APC: variants seen among roughly 807,000 people sequenced by gnomAD.
APC encodes APC regulator of Wnt signaling pathway, also known as adenomatous polyposis coli protein.
In APC, 72 loss-of-function variants were observed where a neutral mutation model predicts 247.0. The observed-to-expected ratio is 0.29, with a 90% CI of 0.24 to 0.35. The LOEUF is 0.35. Among genes scored for constraint, APC ranks in the 10% least tolerant of loss-of-function variants. The pLI is 1.00. For synonymous variants in APC, 1,254 were observed against 1,162.5 expected (o/e 1.08, Z -1.60); for missense variants, 3,400 against 3,360.7 (o/e 1.01, Z -0.29).
chr5:112,794,714 C>G (rs138697007), intron 7 of APC, among the ~76,000 whole-genome samples: 1 of 152,190 alleles, frequency 6.6e-6, no homozygotes, highest in African/African-American at 2.4e-5. Context: ...CAAGACTGCT[C>G]CCACCTCAGA....
intron 8 of APC, among the ~76,000 whole-genome samples, chr5:112,801,992 A>AT (rs1760882677): frequency 6.6e-6 from 1 of 151,874 alleles, no homozygotes; most frequent in South Asian, 2.1e-4. Flanking sequence ...ATCTTATTAG[A>AT]TTTTTATTGA....
chr5:112,762,107 A>G (rs1451171798), intron 2 of APC, among the ~76,000 whole-genome samples: 1 of 152,220 alleles, frequency 6.6e-6, no homozygotes, highest in East Asian at 1.9e-4. Flanking sequence ...AAGACAATTC[A>G]AAAAGAAAGA....
intron 4 of APC, among the ~76,000 whole-genome samples, chr5:112,770,684 C>A (rs1479881882): frequency 3.3e-5 from 5 of 152,048 alleles, no homozygotes; most frequent in African/African-American, 1.2e-4. Flanking sequence ...TCTCATTTCC[C>A]ATGAGATAGT....
intron 15 of APC, among the ~76,000 whole-genome samples, chr5:112,836,192 G>A (rs578042074): frequency 8.7e-5 from 5 of 57,486 alleles, no homozygotes; most frequent in East Asian, 7.6e-4. Flanking sequence ...CACCGTGCCC[G>A]GCTAATTTTT....
chr5:112,717,499 T>C (rs1425460687), intron 1 of APC, among the ~76,000 whole-genome samples: 1 of 152,224 alleles, frequency 6.6e-6, no homozygotes, highest in Non-Finnish European at 1.5e-5. Flanking sequence ...GAATGTCCTT[T>C]AGTCTGCTTG....
intron 1 of APC, among the ~76,000 whole-genome samples, chr5:112,752,064 C>T (rs957293181): frequency 2.0e-5 from 3 of 151,720 alleles, no homozygotes; most frequent in Admixed American, 1.3e-4. Flanking sequence ...TATTTTTCAT[C>T]TCTTTTGGGA....
intron 8 of APC, among the ~76,000 whole-genome samples, chr5:112,809,480 A>G (rs1761758985): frequency 6.6e-6 from 1 of 152,200 alleles, no homozygotes; most frequent in Admixed American, 6.5e-5. Context: ...TACAGTGAGA[A>G]GATGAATACC....
At chr5:112,717,774 G>A (rs1001227261) in intron 1 of APC, among the ~76,000 whole-genome samples, 9 of 151,812 alleles carry the variant, frequency 5.9e-5, no homozygotes, top group African/African-American at 1.9e-4. Context: ...TATCAGTCCT[G>A]GAAGTTTCTT....
intron 1 of APC, among the ~76,000 whole-genome samples, chr5:112,746,243 AT>A (rs1251630258): frequency 1.3e-5 from 2 of 152,144 alleles, no homozygotes; most frequent in Non-Finnish European, 2.9e-5. Context: ...CTTTAAAAAA[AT>A]CTTAGCTCTA....
At chr5:112,830,658 A>G (rs1012307147) in intron 14 of APC, among the ~76,000 whole-genome samples, 3 of 152,250 alleles carry the variant, frequency 2.0e-5, no homozygotes, top group Non-Finnish European at 4.4e-5. Context: ...CAGCAGGTGA[A>G]TGGTAAGCAA....
At chr5:112,812,140 T>C (rs920577802) in intron 8 of APC, among the ~76,000 whole-genome samples, 1 of 152,164 alleles carries the variant, frequency 6.6e-6, no homozygotes, top group Non-Finnish European at 1.5e-5. Context: ...TCATCACCTC[T>C]ATAGCATTTT....
intron 1 of APC, among the ~76,000 whole-genome samples, chr5:112,738,675 G>A (rs967806015): frequency 6.6e-6 from 1 of 152,218 alleles, no homozygotes; most frequent in African/African-American, 2.4e-5. Context: ...GACAACTGCA[G>A]AGGAATAAGA....
chr5:112,772,788 A>T (rs1757203965), intron 4 of APC, among the ~76,000 whole-genome samples: 1 of 152,158 alleles, frequency 6.6e-6, no homozygotes. Context: ...AAGTACTGGG[A>T]TTACAGGCGT....
At chr5:112,820,181 T>A (rs1762974242) in intron 10 of APC, among the ~76,000 whole-genome samples, 1 of 132,746 alleles carries the variant, frequency 7.5e-6, no homozygotes, top group African/African-American at 3.6e-5. Context: ...TGATAAGAAC[T>A]GACACACACA....
chr5:112,754,791 G>A (rs1278140100), intron 1 of APC, 82 bp from the exon 2 acceptor site: 17 of 1,348,642 alleles, frequency 1.3e-5, no homozygotes, highest in Admixed American at 7.5e-5. Flanking sequence ...TAAGAGTTTT[G>A]TTTCCTTTAC....
chr5:112,843,944 T>C lies in APC; in HGVS notation c.8350T>C (p.Phe2784Leu). 6.2e-7 allele frequency: 1 copy of C among 1,610,186 alleles called. No individual in the cohort carries two copies. Among genetic ancestry groups the C allele is most frequent in the Non-Finnish European group, 8.5e-7 (1 of 1,177,684 alleles). Residue 2784 changes from phenylalanine to leucine, a missense_variant, in exon 16 of 16, where the codon TTT (phenylalanine) becomes CTT (leucine). Around this residue, in one of 9 missense-constraint regions of APC, gnomAD observed 1,788 missense variants for 1,649.5 expected, o/e 1.08. Coordinates refer to ENST00000257430, the MANE Select transcript of APC (RefSeq NM_000038.6). The surrounding 1 kb of genome is among the most constrained non-coding windows in gnomAD (Gnocchi z 4.8). ...GACTGTTGCTGCCAGAGTGACTCCT[T>C]TTAATTACAACCCAAGCCCTAGGAA... ...SGTVAARVTP[F>L]NYNPSPRKSS... is the part of the protein sequence containing the mutation.
Position 112,839,960 on chromosome 5 carries a change from A to G in APC, c.4366A>G (p.Lys1456Glu), listed in dbSNP as rs1765664085. The change falls in exon 16 of 16, where the codon AAA becomes GAA. Residue 1456 changes from lysine to glutamate, a missense_variant. Lys to Glu is a moderately conservative substitution (Grantham distance 56). Around this residue, in one of 9 missense-constraint regions of APC, gnomAD observed 1,788 missense variants for 1,649.5 expected, o/e 1.08. Transcript: ENST00000257430. This position sits in a 1 kb window ranked among gnomAD's most constrained non-coding sequence, Gnocchi z 5.0. ...AACCAAGCGAGAAGTACCTAAAAAT[A>G]AAGCACCTACTGCTGAAAAGAGAGA... ...AQTKREVPKN[K>E]APTAEKRESG... 1.2e-6 allele frequency: 2 copies of G among 1,614,154 alleles called. No homozygotes were observed. Among genetic ancestry groups the G allele is most frequent in the East Asian group, 4.5e-5 (2 of 44,860 alleles).
intron 1 of APC, among the ~76,000 whole-genome samples, chr5:112,744,552 C>T (rs537199799): frequency 6.6e-6 from 1 of 152,240 alleles, no homozygotes; most frequent in South Asian, 2.1e-4. Context: ...ACTGTTCAGC[C>T]AGCAGGAAGA....
chr5:112,728,044 T>A (rs1351998210), intron 1 of APC, among the ~76,000 whole-genome samples: 1 of 152,130 alleles, frequency 6.6e-6, no homozygotes, highest in African/African-American at 2.4e-5. Flanking sequence ...CAACACAAAT[T>A]CATAAACTGT....
Sources: allele counts gnomAD v4.1 joint callset (sites outside exome capture counted in the v4.1 genomes callset), GRCh38; gene constraint gnomAD v4.1.1; regional missense constraint gnomAD v4.1.1; non-coding constraint Gnocchi (gnomAD v3.1); transcripts MANE v1.5; gene names NCBI Gene and HGNC (gene_info 2026-07-23, HGNC 2026-07-21).